PEDS1: variants seen among roughly 807,000 people sequenced by gnomAD.
The protein encoded by PEDS1 is CarF homolog.
Under a neutral mutation model 35.2 loss-of-function variants are expected in PEDS1, and 14 were observed. The observed-to-expected ratio is 0.40, with a 90% confidence interval of 0.26 to 0.62. The LOEUF is 0.62. Ranked by LOEUF, PEDS1 falls within the 20% of genes least tolerant of loss-of-function variation. PEDS1 has a pLI of 0.44. For synonymous variants in PEDS1, 152 were observed against 152.0 expected, an observed-to-expected ratio of 1.00 and a Z score of 0.00; for missense variants, 260 against 367.8, an observed-to-expected ratio of 0.71 and a Z score of 2.40.
At position 50,131,514 on chromosome 20, in the gene PEDS1, C is replaced by T. The variant is rs138138962; in HGVS notation, c.242-567G>A. ...GCATGCGCCTGTAGTCTCAACTACT[C>T]GGGAAGCTGAGGCAGGAGAATCACT... On this transcript the variant is annotated intron_variant, in intron 2 of 5. Coordinates refer to ENST00000371652, the MANE Select transcript of PEDS1 (RefSeq NM_199129.4). 1.5e-3 allele frequency among the ~76,000 whole-genome samples: 233 copies of T among 151,504 alleles called. 1 individual carries two copies. Among genetic ancestry groups the T allele is most frequent in the African/African-American group, 5.4e-3 (222 of 41,264 alleles).
chr20:50,140,249 C>A (rs1449442962), intron 2 of PEDS1, among the ~76,000 whole-genome samples: 2 of 152,370 alleles, frequency 1.3e-5, no homozygotes, highest in South Asian at 2.1e-4. Flanking sequence ...TCTGGGCCAC[C>A]CTTAGGTCTG....
intron 2 of PEDS1, among the ~76,000 whole-genome samples, chr20:50,142,682 G>GCCCCCCCCCCC: frequency 2.9e-5 from 1 of 33,928 alleles, no homozygotes; most frequent in Non-Finnish European, 5.6e-5. Context: ...CAAGTCATCC[G>GCCCCCCCCCCC]CCCCCCCCCC....
Position 50,123,781 on chromosome 20 carries a change from AT to A in PEDS1, c.*1276del. On this transcript the variant is annotated 3_prime_UTR_variant, in exon 6 of 6. Coordinates refer to ENST00000371652, the MANE Select transcript of PEDS1 (RefSeq NM_199129.4). ...AATCACCACCTGAATTTCCATGTGC[AT>A]TTATTTGTTTATTGACTCTTTTCCC... The A allele has an allele frequency of 6.6e-6, 1 of 152,112 alleles. No homozygotes were observed. Among genetic ancestry groups the A allele is most frequent in the East Asian group, 1.9e-4 (1 of 5,194 alleles). 9.4% of individuals were successfully genotyped at this position (152,112 alleles called of 1,614,324 possible).
intron 1 of PEDS1, among the ~76,000 whole-genome samples, 200 bp downstream of exon 1, chr20:50,153,317 A>C (rs1395467612): frequency 3.9e-5 from 6 of 152,048 alleles, no homozygotes; most frequent in African/African-American, 1.2e-4. Flanking sequence ...GTGTCTCTGC[A>C]GCCAGGAAAC....
intron 2 of PEDS1, 118 bp downstream of exon 2, chr20:50,143,384 C>A (rs2081314369): frequency 2.2e-5 from 33 of 1,484,076 alleles, no homozygotes; most frequent in Non-Finnish European, 3.0e-5. Context: ...GTACTCAAGG[C>A]ACATACTGGA....
chr20:50,138,570 C>A (rs1394036035), intron 2 of PEDS1, among the ~76,000 whole-genome samples: 1 of 152,124 alleles, frequency 6.6e-6, no homozygotes, highest in South Asian at 2.1e-4. Flanking sequence ...GGCGCCTGCA[C>A]GCTGCCCAGC....
intron 5 of PEDS1, among the ~76,000 whole-genome samples, chr20:50,126,782 G>A (rs1196658762): frequency 6.6e-6 from 1 of 152,184 alleles, no homozygotes; most frequent in African/African-American, 2.4e-5. Context: ...TTTCGCACTG[G>A]CTGCTAACTG....
Position 50,131,161 on chromosome 20 carries a change from G to GT in PEDS1, c.242-215dup. 4 of 1,174,010 alleles carry GT rather than the reference G, an allele frequency of 3.4e-6. No individual in the cohort carries two copies. The South Asian group carries it at 4.0e-5, about 12-fold the overall frequency. The allele number at this position is 1,174,010 out of a possible 1,614,324, so 72.7% of individuals were successfully genotyped here. A position where few individuals can be genotyped will look rare whatever the true frequency, so the allele number is the denominator to read the frequency against. On this transcript the variant is annotated intron_variant, in intron 2 of 5. Coordinates refer to ENST00000371652, the MANE Select transcript of PEDS1 (RefSeq NM_199129.4). ...TGCTCGGGGAGATGCCAAGACTCAT[G>GT]TGCTTGGAGAGTCTGGAGAGCATAA...
At chr20:50,136,368 A>G (rs962997094) in intron 2 of PEDS1, among the ~76,000 whole-genome samples, 1 of 152,174 alleles carries the variant, frequency 6.6e-6, no homozygotes, top group Non-Finnish European at 1.5e-5. Flanking sequence ...TGGGAGCATA[A>G]CTTCCCATTC....
intron 5 of PEDS1, among the ~76,000 whole-genome samples, chr20:50,125,545 T>C (rs963881027): frequency 7.9e-4 from 9 of 11,376 alleles, no homozygotes; most frequent in Admixed American, 5.2e-3. Context: ...CATTACCCTT[T>C]ATCTATCTAT....
In PEDS1 at chr20:50,122,281, C is replaced by T. The variant is rs1396116925; in HGVS notation, c.*2777G>A. The T allele has an allele frequency of 1.3e-5, 2 of 152,200 alleles. No individual in the cohort carries two copies. Among genetic ancestry groups the T allele is most frequent in the African/African-American group, 2.4e-5 (1 of 41,450 alleles). 9.4% of individuals were successfully genotyped at this position (152,200 alleles called of 1,614,324 possible). A position where few individuals can be genotyped will look rare whatever the true frequency, so the allele number is the denominator to read the frequency against. ...CTAATACGATTATTTTAGCTGTTTA[C>T]TTTAAATTTCTGTCATTTATGAGTT... On this transcript the variant is annotated 3_prime_UTR_variant, in exon 6 of 6. Transcript: ENST00000371652.
rs368238980 is a variant in PEDS1 at position 50,129,504 on chromosome 20, C to T, written c.478+42G>A. 3 of 1,612,504 alleles carry T rather than the reference C, an allele frequency of 1.9e-6. No individual in the cohort carries two copies. The highest frequency in any genetic ancestry group is 2.5e-6 in the Non-Finnish European group (3 of 1,179,038). On this transcript the variant is annotated intron_variant, in intron 4 of 5. Transcript: ENST00000371652. This position sits in a 1 kb window ranked among gnomAD's most constrained non-coding sequence, Gnocchi z 4.2. ...AGGCTCCTGGGGGTCGGCCTCTGCCCCCAAGGCCCCCTCCCAGCCCACCAC... is the reference window on the plus strand; with the variant it reads ...AGGCTCCTGGGGGTCGGCCTCTGCCTCCAAGGCCCCCTCCCAGCCCACCAC...
At chr20:50,146,121 T>C (rs1441781540) in intron 1 of PEDS1, among the ~76,000 whole-genome samples, 1 of 152,204 alleles carries the variant, frequency 6.6e-6, no homozygotes, top group Admixed American at 6.5e-5. Flanking sequence ...GGCAGGTCCC[T>C]GTGAAGGGGT....
chr20:50,150,754 G>A (rs1219928245), intron 1 of PEDS1, among the ~76,000 whole-genome samples: 1 of 151,950 alleles, frequency 6.6e-6, no homozygotes, highest in East Asian at 1.9e-4. Context: ...ATGCAGTGGT[G>A]TGGTATTGGC....
chr20:50,151,433 G>C, intron 1 of PEDS1: 1 of 560,896 alleles, frequency 1.8e-6, no homozygotes, highest in Non-Finnish European at 3.2e-6. Context: ...AAGTAGGTAG[G>C]GTTCACAGGA....
chr20:50,148,380 G>C (rs1451377961), intron 1 of PEDS1, among the ~76,000 whole-genome samples: 1 of 152,168 alleles, frequency 6.6e-6, no homozygotes, highest in Non-Finnish European at 1.5e-5. Flanking sequence ...GGACAGGGAG[G>C]GTGGCTGCTC....
At chr20:50,143,457 GC>G in intron 2 of PEDS1, 44 bp downstream of exon 2, 1 of 1,575,260 alleles carries the variant, frequency 6.3e-7, no homozygotes, top group Non-Finnish European at 8.6e-7. Flanking sequence ...TGGGTCCCTG[GC>G]CCCTAGGGAA....
chr20:50,125,545 T>TATCTATCTATCTATCC (rs1344750713), intron 5 of PEDS1, among the ~76,000 whole-genome samples: 7 of 11,376 alleles, frequency 6.2e-4, no homozygotes, highest in Admixed American at 1.7e-3. Context: ...CATTACCCTT[T>TATCTATCTATCTATCC]ATCTATCTAT....
intron 2 of PEDS1, among the ~76,000 whole-genome samples, chr20:50,135,255 GCTC>G (rs1420120106): frequency 1.3e-5 from 2 of 152,278 alleles, no homozygotes; most frequent in South Asian, 2.1e-4. Context: ...CTCCACTGCA[GCTC>G]CTCAACTCTG....
Sources: allele counts gnomAD v4.1 joint callset (sites outside exome capture counted in the v4.1 genomes callset), GRCh38; gene constraint gnomAD v4.1.1; non-coding constraint Gnocchi (gnomAD v3.1); transcripts MANE v1.5; gene names NCBI Gene and HGNC (gene_info 2026-07-23, HGNC 2026-07-21).